Variants in XNDC1N observed in about 807,000 individuals in gnomAD.
XNDC1N encodes the protein protein XNDC1N.
At chr11:71,918,529 G>A in the XNDC1N span, among the ~76,000 whole-genome samples, 4 of 152,236 alleles carry the variant, frequency 2.6e-5, no homozygotes, top group Admixed American at 6.5e-5. Context: ...GGATCCTCCC[G>A]CCTTCGCCTC....
the XNDC1N span, among the ~76,000 whole-genome samples, chr11:71,919,923 A>T: frequency 1.1e-5 from 1 of 89,626 alleles, no homozygotes; most frequent in East Asian, 3.9e-4. Context: ...AGCCAAAAGC[A>T]GGCCTCTTTT....
the XNDC1N span, among the ~76,000 whole-genome samples, chr11:71,915,538 T>C: frequency 3.3e-5 from 5 of 152,126 alleles, no homozygotes; most frequent in Non-Finnish European, 4.4e-5. Context: ...AAAATGTGTG[T>C]GACTTGCTTT....
the XNDC1N span, chr11:71,903,466 C>G: frequency 4.4e-5 from 37 of 832,402 alleles, no homozygotes; most frequent in Admixed American, 2.6e-4. Flanking sequence ...AGAGTCATCT[C>G]CTATGCAGGC....
the XNDC1N span, among the ~76,000 whole-genome samples, chr11:71,899,782 G>A: frequency 0.027 from 4,175 of 152,176 alleles, 1 homozygote; most frequent in East Asian, 0.076. Context: ...AGACCTGACC[G>A]TCGCCGAGCC....
At chr11:71,925,005 T>G in the XNDC1N span, among the ~76,000 whole-genome samples, 1 of 151,890 alleles carries the variant, frequency 6.6e-6, no homozygotes, top group Non-Finnish European at 1.5e-5. Flanking sequence ...CACCAAAACT[T>G]TTTTTCCCTT....
the XNDC1N span, among the ~76,000 whole-genome samples, chr11:71,892,077 G>T: frequency 1.3e-5 from 2 of 152,024 alleles, no homozygotes; most frequent in Admixed American, 6.5e-5. Flanking sequence ...GATATTGGAA[G>T]CAATATCATC....
At chr11:71,914,704 G>A in the XNDC1N span, among the ~76,000 whole-genome samples, 6 of 149,790 alleles carry the variant, frequency 4.0e-5, no homozygotes, top group African/African-American at 1.5e-4. Context: ...AAAAAAAAAA[G>A]AAATAGTAAG....
chr11:71,920,792 G>C, the XNDC1N span, among the ~76,000 whole-genome samples: 4 of 151,974 alleles, frequency 2.6e-5, no homozygotes, highest in African/African-American at 4.8e-5. Context: ...TTGGTTGAGC[G>C]ATCTTGGGTA....
the XNDC1N span, chr11:71,893,920 C>A: frequency 9.5e-7 from 1 of 1,056,846 alleles, no homozygotes; most frequent in Non-Finnish European, 1.3e-6. Flanking sequence ...GTCCTTTTTC[C>A]TTAGCCTGTT....
At chr11:71,872,570 C>CAA in the XNDC1N span, among the ~76,000 whole-genome samples, 1 of 149,140 alleles carries the variant, frequency 6.7e-6, no homozygotes, top group African/African-American at 2.5e-5. Flanking sequence ...AAAAAAATAC[C>CAA]AAAAAAAAAT....
the XNDC1N span, among the ~76,000 whole-genome samples, chr11:71,892,133 A>G: frequency 6.6e-6 from 1 of 152,082 alleles, no homozygotes; most frequent in Non-Finnish European, 1.5e-5. Flanking sequence ...CACGGTGTAC[A>G]CCCACTGTGA....
At chr11:71,886,854 A>G in the XNDC1N span, among the ~76,000 whole-genome samples, 1 of 152,202 alleles carries the variant, frequency 6.6e-6, no homozygotes, top group African/African-American at 2.4e-5. Context: ...TGTCAGCTGC[A>G]GCAATCAGAG....
the XNDC1N span, chr11:71,878,324 A>G: frequency 1.1e-6 from 1 of 937,266 alleles, no homozygotes; most frequent in Non-Finnish European, 1.6e-6. Context: ...ATTGAAACAC[A>G]GAAATGTTAT....
the XNDC1N span, among the ~76,000 whole-genome samples, chr11:71,883,578 A>T: frequency 4.0e-3 from 606 of 152,344 alleles, 8 homozygotes; most frequent in African/African-American, 0.014. Flanking sequence ...TACACTACAC[A>T]CAAAAAGCAA....
At chr11:71,881,268 CTTCT>C in the XNDC1N span, among the ~76,000 whole-genome samples, 1 of 152,094 alleles carries the variant, frequency 6.6e-6, no homozygotes, top group East Asian at 1.9e-4. Flanking sequence ...ATATGATGGC[CTTCT>C]TTGTCTCTTT....
At chr11:71,898,580 C>T in the XNDC1N span, among the ~76,000 whole-genome samples, 7 of 152,226 alleles carry the variant, frequency 4.6e-5, no homozygotes, top group South Asian at 1.2e-3. Flanking sequence ...GCACTCCAGC[C>T]GGGGTGACAG....
the XNDC1N span, among the ~76,000 whole-genome samples, chr11:71,889,420 C>T: frequency 6.6e-6 from 1 of 152,330 alleles, no homozygotes; most frequent in African/African-American, 2.4e-5. Context: ...CCCTTCTGGG[C>T]ATCAGGGCTC....
the XNDC1N span, among the ~76,000 whole-genome samples, chr11:71,896,811 G>A: frequency 2.6e-5 from 4 of 152,188 alleles, no homozygotes; most frequent in Admixed American, 6.5e-5. Context: ...TGATCCACCC[G>A]CCTCGGCCTC....
At chr11:71,893,886 C>A in the XNDC1N span, 2 of 949,306 alleles carry the variant, frequency 2.1e-6, no homozygotes, top group Non-Finnish European at 3.0e-6. Flanking sequence ...TGAATCCTCA[C>A]CTCTGTGTCT....
Sources: gnomAD v4.1 joint callset for allele counts (sites outside exome capture counted in the v4.1 genomes callset) on GRCh38, gnomAD v4.1.1 for gene constraint, MANE v1.5 for transcripts, NCBI Gene and HGNC (gene_info 2026-07-23, HGNC 2026-07-21) for gene names.